TSPAN7: variants seen among roughly 807,000 people sequenced by gnomAD.
TSPAN7 encodes tetraspanin 7, also known as tetraspanin-7.
TSPAN7 carries 1 observed loss-of-function variant against 17.6 expected under a neutral mutation model. That is an observed-to-expected ratio of 0.06 (90% CI 0.02 to 0.27). The LOEUF (loss-of-function observed/expected upper bound fraction) is 0.27, where lower values mean the gene tolerates loss of function less well. TSPAN7 is among the 10% of genes least tolerant of loss of function. TSPAN7 has a pLI of 1.00. For synonymous variants in TSPAN7, 78 were observed against 79.0 expected (o/e 0.99, Z 0.07); for missense variants, 112 against 201.7 (o/e 0.56, Z 2.69).
intron 1 of TSPAN7, among the ~76,000 whole-genome samples, chrX:38,575,014 T>C (rs1295242851): frequency 1.8e-5 from 2 of 111,612 alleles, no homozygotes. Flanking sequence ...TGAAAGACTC[T>C]GTTCCTTTCT....
chrX:38,572,174 A>T, intron 1 of TSPAN7, among the ~76,000 whole-genome samples: 1 of 111,956 alleles, frequency 8.9e-6, no homozygotes, highest in Non-Finnish European at 1.9e-5. Flanking sequence ...TGAGTGAAGC[A>T]GATTACTGAT....
rs756449950 is a variant in TSPAN7, at chrX:38,573,807, TG to T, written c.81+12181del. Among the ~76,000 whole-genome samples the T allele has an allele frequency of 1.8e-4, 20 of 111,810 alleles. No homozygotes were observed. The South Asian group carries it at 7.2e-3, about 40-fold the overall frequency. Reference sequence around the variant, plus strand: ...TGTCCCTCAATTTGGATTTGCCTGATGTTTTTTTCATGATTACAATGTAGTT... The same window carrying T: ...TGTCCCTCAATTTGGATTTGCCTGATTTTTTTTCATGATTACAATGTAGTT... On this transcript the variant is annotated intron_variant, in intron 1 of 7. Coordinates refer to ENST00000378482, the MANE Select transcript of TSPAN7 (RefSeq NM_004615.4).
At chrX:38,664,487 C>T (rs189528342) in intron 1 of TSPAN7, among the ~76,000 whole-genome samples, 3 of 111,535 alleles carry the variant, frequency 2.7e-5, no homozygotes, top group Admixed American at 9.5e-5. Context: ...AAACAACCAC[C>T]GGGTGTCAGC....
chrX:38,569,797 G>C (rs2069160579), intron 1 of TSPAN7, among the ~76,000 whole-genome samples: 1 of 111,505 alleles, frequency 9.0e-6, no homozygotes, highest in Non-Finnish European at 1.9e-5. Context: ...AAATGGATGT[G>C]TTCAATCCGT....
intron 1 of TSPAN7, among the ~76,000 whole-genome samples, chrX:38,610,186 A>C (rs1366800574): frequency 9.0e-6 from 1 of 111,697 alleles, no homozygotes; most frequent in African/African-American, 3.3e-5. Context: ...AACTAATTAA[A>C]TACCATTTTG....
intron 1 of TSPAN7, among the ~76,000 whole-genome samples, chrX:38,659,905 C>G (rs772026372): frequency 9.8e-6 from 1 of 101,653 alleles, no homozygotes; most frequent in South Asian, 4.7e-4. Context: ...TGGCTCACTG[C>G]AACCTCTGCC....
chrX:38,572,780 C>T (rs749748217), intron 1 of TSPAN7, among the ~76,000 whole-genome samples: 3 of 111,740 alleles, frequency 2.7e-5, no homozygotes, highest in South Asian at 7.5e-4. Context: ...CTTCTACATC[C>T]CCATCTCTAT....
At chrX:38,651,352 C>G (rs2069675148) in intron 1 of TSPAN7, among the ~76,000 whole-genome samples, 2 of 110,716 alleles carry the variant, frequency 1.8e-5, no homozygotes, top group Admixed American at 1.9e-4. Context: ...ATAATCCCAG[C>G]TACTCGGGAG....
intron 1 of TSPAN7, among the ~76,000 whole-genome samples, chrX:38,650,387 CT>C (rs1231116241): frequency 8.9e-6 from 1 of 112,731 alleles, no homozygotes; most frequent in Admixed American, 9.3e-5. Context: ...GCCATGGTGC[CT>C]GCTGGTCCAT....
rs146655639 is a variant in TSPAN7 at position 38,620,877 on chromosome X, A to G, written c.82-45244A>G. ...ATTCCTGACTCATGAAGGGCAGGAC[A>G]TGTGTTTTTCCTCACTCTGTTCCCA... On this transcript the variant is annotated intron_variant, in intron 1 of 7. Transcript: ENST00000378482. Among the ~76,000 whole-genome samples the G allele has an allele frequency of 3.7e-3, 415 of 112,405 alleles. 3 individuals are homozygous for G. Among genetic ancestry groups the G allele is most frequent in the African/African-American group, 0.013 (399 of 30,938 alleles).
intron 1 of TSPAN7, among the ~76,000 whole-genome samples, chrX:38,563,512 G>A (rs1320778468): frequency 9.0e-6 from 1 of 110,787 alleles, no homozygotes; most frequent in Non-Finnish European, 1.9e-5. Flanking sequence ...TAAAAATAAG[G>A]TTAACAGTGC....
At chrX:38,630,243 T>A (rs1243278478) in intron 1 of TSPAN7, among the ~76,000 whole-genome samples, 1 of 112,267 alleles carries the variant, frequency 8.9e-6, no homozygotes, top group Non-Finnish European at 1.9e-5. Flanking sequence ...TTTGATTTAT[T>A]GCCAAATGTG....
At chrX:38,565,590 T>C (rs756412186) in intron 1 of TSPAN7, among the ~76,000 whole-genome samples, 1 of 112,297 alleles carries the variant, frequency 8.9e-6, no homozygotes, top group Admixed American at 9.4e-5. Context: ...TTCCTTTGTG[T>C]TCGTGAGTTG....
At chrX:38,574,258 CA>C (rs2069183337) in intron 1 of TSPAN7, among the ~76,000 whole-genome samples, 1 of 111,336 alleles carries the variant, frequency 9.0e-6, no homozygotes, top group African/African-American at 3.3e-5. Flanking sequence ...CTAGCAAATG[CA>C]GTAAGAAAAA....
intron 6 of TSPAN7, among the ~76,000 whole-genome samples, chrX:38,687,331 G>C (rs994748420): frequency 1.2e-4 from 13 of 111,270 alleles, no homozygotes; most frequent in African/African-American, 3.9e-4. Flanking sequence ...GCTGCAACAT[G>C]ATGGCCAGTT....
chrX:38,674,180 C>G, intron 3 of TSPAN7, 41 bp from the exon 4 acceptor site: 1 of 1,022,795 alleles, frequency 9.8e-7, no homozygotes, highest in Non-Finnish European at 1.4e-6. Flanking sequence ...TCAGTTTGGG[C>G]TGTGGTGGAC....
intron 1 of TSPAN7, among the ~76,000 whole-genome samples, chrX:38,583,432 C>T (rs959609288): frequency 1.8e-5 from 2 of 112,256 alleles, no homozygotes; most frequent in African/African-American, 6.5e-5. Context: ...TCCTCAATTA[C>T]TCATCGCATT....
chrX:38,576,013 A>T (rs2069192184), intron 1 of TSPAN7, among the ~76,000 whole-genome samples: 1 of 112,287 alleles, frequency 8.9e-6, no homozygotes, highest in African/African-American at 3.2e-5. Context: ...AAAGGGCCAG[A>T]TAGCAAATAT....
chrX:38,585,903 C>T (rs2069256138), intron 1 of TSPAN7, among the ~76,000 whole-genome samples: 1 of 112,726 alleles, frequency 8.9e-6, no homozygotes, highest in African/African-American at 3.2e-5. Context: ...TAGCCTGAGT[C>T]CCTCACCAGA....
Sources: gnomAD v4.1 joint callset for allele counts (sites outside exome capture counted in the v4.1 genomes callset) on GRCh38, gnomAD v4.1.1 for gene constraint, MANE v1.5 for transcripts, NCBI Gene and HGNC (gene_info 2026-07-23, HGNC 2026-07-21) for gene names.